PRKCH: variants seen among roughly 807,000 people sequenced by gnomAD.
PRKCH encodes the protein protein kinase C eta type.
Under a neutral mutation model 82.5 loss-of-function variants are expected in PRKCH, and 28 were observed. The ratio of observed to expected loss-of-function variants is 0.34; its 90% CI spans 0.25 to 0.47. The LOEUF is 0.47. Among genes scored for constraint, PRKCH ranks in the 20% least tolerant of loss-of-function variants. PRKCH has a pLI of 1.00. For synonymous variants in PRKCH, 322 were observed against 327.4 expected, an observed-to-expected ratio of 0.98 and a Z score of 0.18; for missense variants, 705 against 881.8, an observed-to-expected ratio of 0.80 and a Z score of 2.54.
At chr14:61,433,539 G>C (rs928014204) in intron 2 of PRKCH, among the ~76,000 whole-genome samples, 1 of 152,138 alleles carries the variant, frequency 6.6e-6, no homozygotes, top group Admixed American at 6.6e-5. Context: ...AGGCTGGGGT[G>C]GGGGTAGAGA....
intron 9 of PRKCH, among the ~76,000 whole-genome samples, chr14:61,464,551 C>G (rs1885171051): frequency 6.6e-6 from 1 of 152,154 alleles, no homozygotes; most frequent in Non-Finnish European, 1.5e-5. Context: ...TCTCCTTGCC[C>G]TTGCCCTCCC....
At chr14:61,309,494 G>C (rs1259942467) in intron 1 of PRKCH, among the ~76,000 whole-genome samples, 1 of 152,190 alleles carries the variant, frequency 6.6e-6, no homozygotes, top group Admixed American at 6.5e-5. Context: ...GCTTTGCAAT[G>C]CGCTTTAAAT....
chr14:61,206,464 G>A (rs184786162), intron 1 of PRKCH, among the ~76,000 whole-genome samples: 5 of 152,248 alleles, frequency 3.3e-5, no homozygotes, highest in African/African-American at 7.2e-5. Context: ...CTGTGACTTC[G>A]TCTTAACTAA....
chr14:61,349,218 T>A (rs1566832068), intron 1 of PRKCH, among the ~76,000 whole-genome samples: 1 of 152,222 alleles, frequency 6.6e-6, no homozygotes, highest in East Asian at 1.9e-4. Context: ...TCCATTTCAG[T>A]TGAGATCACT....
chr14:61,215,997 C>T (rs1420102527), intron 1 of PRKCH, among the ~76,000 whole-genome samples: 1 of 152,158 alleles, frequency 6.6e-6, no homozygotes, highest in South Asian at 2.1e-4. Context: ...ATCTACTCTG[C>T]CCAACTTTGC....
At chr14:61,400,710 G>A (rs1276023145) in intron 2 of PRKCH, among the ~76,000 whole-genome samples, 3 of 152,134 alleles carry the variant, frequency 2.0e-5, no homozygotes, top group African/African-American at 7.2e-5. Flanking sequence ...TTTTCTGGTA[G>A]CAGGATAAAC....
chr14:61,252,411 T>C (rs1252570494), intron 1 of PRKCH, among the ~76,000 whole-genome samples: 1 of 152,184 alleles, frequency 6.6e-6, no homozygotes, highest in Non-Finnish European at 1.5e-5. Context: ...TGCTCTGAGT[T>C]CCTGACAGAG....
At chr14:61,303,955 T>C (rs1429643493) in intron 1 of PRKCH, 1 of 152,080 alleles carries the variant, frequency 6.6e-6, no homozygotes, top group East Asian at 1.9e-4. Flanking sequence ...CCTGTGACTG[T>C]TGATACCTTG....
chr14:61,531,790 A>T (rs1594790798), intron 12 of PRKCH, among the ~76,000 whole-genome samples: 1 of 152,256 alleles, frequency 6.6e-6, no homozygotes, highest in East Asian at 1.9e-4. Context: ...TCTCCTATCT[A>T]ACATGTTTTT....
chr14:61,438,948 A>G (rs573903744), intron 2 of PRKCH, among the ~76,000 whole-genome samples: 1 of 152,334 alleles, frequency 6.6e-6, no homozygotes, highest in South Asian at 2.1e-4. Context: ...GAGGCAGACC[A>G]GGGCTCCAGG....
intron 6 of PRKCH, chr14:61,452,980 G>A (rs1383665953): frequency 4.0e-6 from 2 of 503,918 alleles, no homozygotes; most frequent in Non-Finnish European, 7.0e-6. Flanking sequence ...TCAAATCATG[G>A]TGGAAAAAAT....
rs2046308799 is a variant in PRKCH at position 61,367,256 on chromosome 14, C to A, written c.364-23969C>A. On this transcript the variant is annotated intron_variant, in intron 1 of 13. Transcript: ENST00000332981. ...TAATTCTCAAAGGGATGTGCATCTGCCCCTAACCCAATCTAAATGCCTGAC... is the reference window on the plus strand; with the variant it reads ...TAATTCTCAAAGGGATGTGCATCTGACCCTAACCCAATCTAAATGCCTGAC... 2.0e-5 allele frequency among the ~76,000 whole-genome samples: 3 copies of A among 151,940 alleles called. No individual in the cohort carries two copies. In the South Asian group the frequency reaches 6.2e-4, roughly 31 times the overall value.
At chr14:61,455,154 C>T (rs143051828) in intron 7 of PRKCH, among the ~76,000 whole-genome samples, 75 of 151,742 alleles carry the variant, frequency 4.9e-4, no homozygotes, top group African/African-American at 1.1e-3. Context: ...CTCAGCCTTC[C>T]GAGTAGCTGG....
chr14:61,360,072 G>A (rs1404577569), intron 1 of PRKCH, among the ~76,000 whole-genome samples: 2 of 152,226 alleles, frequency 1.3e-5, no homozygotes, highest in African/African-American at 4.8e-5. Flanking sequence ...GAGCATGCCT[G>A]TATCTTTAGC....
At chr14:61,198,436 A>C (rs2044456228) in intron 1 of PRKCH, among the ~76,000 whole-genome samples, 1 of 152,162 alleles carries the variant, frequency 6.6e-6, no homozygotes, top group Non-Finnish European at 1.5e-5. Flanking sequence ...TTGTCCTTCA[A>C]AACTAGACTT....
chr14:61,261,057 C>G (rs918523820), intron 1 of PRKCH, among the ~76,000 whole-genome samples: 1 of 152,138 alleles, frequency 6.6e-6, no homozygotes, highest in Admixed American at 6.5e-5. Context: ...ACTGGGGGTG[C>G]ACAATCCTAG....
intron 12 of PRKCH, among the ~76,000 whole-genome samples, chr14:61,533,625 G>C (rs2043070809): frequency 6.6e-6 from 1 of 152,174 alleles, no homozygotes; most frequent in Admixed American, 6.5e-5. Flanking sequence ...CATAATTCTT[G>C]CATGCCTTAG....
chr14:61,212,657 A>T (rs1447113688), intron 1 of PRKCH, among the ~76,000 whole-genome samples: 2 of 152,208 alleles, frequency 1.3e-5, no homozygotes, highest in African/African-American at 2.4e-5. Context: ...AGAGGTAGTA[A>T]GTCATTCATT....
chr14:61,403,653 C>T (rs1356731732), intron 2 of PRKCH, among the ~76,000 whole-genome samples: 1 of 152,216 alleles, frequency 6.6e-6, no homozygotes, highest in East Asian at 1.9e-4. Flanking sequence ...AGTCACGATA[C>T]TTCTGAACAA....
Sources: allele counts gnomAD v4.1 joint callset (sites outside exome capture counted in the v4.1 genomes callset), GRCh38; gene constraint gnomAD v4.1.1; transcripts MANE v1.5; gene names NCBI Gene and HGNC (gene_info 2026-07-23, HGNC 2026-07-21).